CASR: variants seen among roughly 807,000 people sequenced by gnomAD.
CASR encodes the protein extracellular calcium-sensing receptor.
A neutral mutation model predicts 69.1 loss-of-function variants in CASR; 23 were observed. The ratio of observed to expected loss-of-function variants is 0.33; its 90% CI spans 0.24 to 0.47. The LOEUF (loss-of-function observed/expected upper bound fraction) is 0.47, where lower values mean the gene tolerates loss of function less well. Among genes scored for constraint, CASR ranks in the 20% least tolerant of loss-of-function variants. CASR has a pLI of 1.00. For synonymous variants in CASR, 541 were observed against 544.7 expected (o/e 0.99, Z 0.10); for missense variants, 924 against 1,356.1 (o/e 0.68, Z 5.00).
intron 4 of CASR, among the ~76,000 whole-genome samples, chr3:122,272,654 G>A (rs529045755): frequency 1.1e-3 from 164 of 152,174 alleles, no homozygotes; most frequent in African/African-American, 3.5e-3. Context: ...TATTTATGTC[G>A]TGCATTTTAT....
intron 4 of CASR, among the ~76,000 whole-genome samples, chr3:122,267,996 A>G (rs1259369814): frequency 6.6e-6 from 1 of 152,226 alleles, no homozygotes; most frequent in East Asian, 1.9e-4. Flanking sequence ...GCAACTTAAT[A>G]GATGTCTAAT....
chr3:122,257,276 G>A lies in CASR; in HGVS notation c.381G>A (p.Glu127=), dbSNP rs2074565277. Residue 127 remains glutamate (E), a synonymous_variant, in exon 3 of 7, where the codon GAG becomes GAA. Transcript: ENST00000639785. ...QNKIDSLNLD[E]FCNCSEHIPS... ...AAATTGATTCTTTGAACCTTGATGAGTTCTGCAACTGCTCAGAGCACATTC... is the reference window on the plus strand; with the variant it reads ...AAATTGATTCTTTGAACCTTGATGAATTCTGCAACTGCTCAGAGCACATTC... 2 of 1,614,146 alleles carry A rather than the reference G, an allele frequency of 1.2e-6. No individual in the cohort carries two copies. The highest frequency in any genetic ancestry group is 1.7e-6 in the Non-Finnish European group (2 of 1,179,978).
chr3:122,285,372 A>T lies in CASR; in HGVS notation c.*181A>T, dbSNP rs1486476105. On this transcript the variant is annotated 3_prime_UTR_variant, in exon 7 of 7. Coordinates refer to ENST00000639785, the MANE Select transcript of CASR (RefSeq NM_000388.4). The stretch of plus-strand genomic sequence containing the variant: ...ATTGACCCATGTTCCCTTTAAAATT[A>T]AAAAAAAGAAGAGCCTTGTGTTTCT... 3.9e-6 allele frequency: 2 copies of T among 516,230 alleles called. No homozygotes were observed. The highest frequency in any genetic ancestry group is 6.7e-6 in the Non-Finnish European group (2 of 296,352). 32.0% of individuals were successfully genotyped at this position (516,230 alleles called of 1,614,324 possible). A position where few individuals can be genotyped will look rare whatever the true frequency, so the allele number is the denominator to read the frequency against.
chr3:122,232,750 T>A (rs988151999), intron 1 of CASR, among the ~76,000 whole-genome samples: 2 of 152,116 alleles, frequency 1.3e-5, no homozygotes, highest in Non-Finnish European at 2.9e-5. Flanking sequence ...CGAAAGCCCT[T>A]TCTGACTCTA....
At chr3:122,268,459 T>G (rs912442531) in intron 4 of CASR, among the ~76,000 whole-genome samples, 15 of 152,220 alleles carry the variant, frequency 9.9e-5, no homozygotes. Flanking sequence ...TTCTAGCTCC[T>G]GAGAGGCTGC....
chr3:122,284,898 C>A lies in CASR; in HGVS notation c.2944C>A (p.Pro982Thr), dbSNP rs387907395. Reference sequence around the variant, plus strand: ...CACCTTCTCACTGAGCTTTGATGAGCCTCAGAAGAACGCCATGGCCCACAG... The same window carrying A: ...CACCTTCTCACTGAGCTTTGATGAGACTCAGAAGAACGCCATGGCCCACAG... ...TVTFSLSFDEPQKNAMAHRNS... is the reference protein window; with the variant it reads ...TVTFSLSFDETQKNAMAHRNS... Residue 982 changes from proline (P) to threonine (T), a missense_variant, in exon 7 of 7, where the codon CCT (proline) becomes ACT (threonine). This residue lies in a region of CASR where 201 missense variants were observed against 228.8 expected (regional missense o/e 0.88). Coordinates refer to ENST00000639785, the MANE Select transcript of CASR (RefSeq NM_000388.4). 5 of 1,614,186 alleles carry A rather than the reference C, an allele frequency of 3.1e-6. No individual in the cohort carries two copies. The highest frequency in any genetic ancestry group is 3.4e-6 in the Non-Finnish European group (4 of 1,180,006).
Position 122,257,407 on chromosome 3 carries a change from C to T in CASR, c.492+20C>T, listed in dbSNP as rs757624170. ...CCCCAGGTACTCAAGCCTTCTCAGG[C>T]GGGGCACTGGGAGCAGGATCAGAAG... On this transcript the variant is annotated intron_variant, in intron 3 of 6. Coordinates refer to ENST00000639785, the MANE Select transcript of CASR (RefSeq NM_000388.4). 10 of 1,588,614 alleles carry T rather than the reference C, an allele frequency of 6.3e-6. No homozygotes were observed. The highest frequency in any genetic ancestry group is 4.4e-5 in the South Asian group (4 of 90,558).
rs573534670 is a variant in CASR, at chr3:122,224,867, G to A, written c.-242-29081G>A. ...ACACATAGACCAATGGAACAGGATAGAGAACCTAGACGTAAAGCCACACAC... is the reference window on the plus strand; with the variant it reads ...ACACATAGACCAATGGAACAGGATAAAGAACCTAGACGTAAAGCCACACAC... On this transcript the variant is annotated intron_variant, in intron 1 of 6. Coordinates refer to ENST00000639785, the MANE Select transcript of CASR (RefSeq NM_000388.4). 1.0e-3 allele frequency among the ~76,000 whole-genome samples: 159 copies of A among 152,252 alleles called. 3 individuals are homozygous for A. Among genetic ancestry groups the A allele is most frequent in the South Asian group, 8.5e-3 (41 of 4,814 alleles).
Position 122,254,035 on chromosome 3 carries a change from A to G in CASR, c.-155A>G. On this transcript the variant is annotated 5_prime_UTR_variant, in exon 2 of 7. An upstream start codon of the reference 5' UTR is lost. Coordinates refer to ENST00000639785, the MANE Select transcript of CASR (RefSeq NM_000388.4). ...CAAGTCTGGATTGAGGAAGGCAGAA[A>G]TGGAGATTCAAACACCACGTCTTCT... is the stretch of plus-strand genomic sequence containing the variant. The G allele has an allele frequency of 1.3e-6, 1 of 788,532 alleles. No homozygotes were observed. Among genetic ancestry groups the G allele is most frequent in the Middle Eastern group, 3.5e-4 (1 of 2,844 alleles). The allele number at this position is 788,532 out of a possible 1,614,324, so 48.8% of individuals were successfully genotyped here. A position where few individuals can be genotyped will look rare whatever the true frequency, so the allele number is the denominator to read the frequency against.
intron 1 of CASR, among the ~76,000 whole-genome samples, chr3:122,241,015 A>C (rs1266144617): frequency 6.6e-6 from 1 of 152,118 alleles, no homozygotes; most frequent in African/African-American, 2.4e-5. Context: ...ACCAAAACCT[A>C]TGCAATATAG....
chr3:122,190,857 C>A (rs2073833286), intron 1 of CASR, among the ~76,000 whole-genome samples: 1 of 152,298 alleles, frequency 6.6e-6, no homozygotes, highest in Non-Finnish European at 1.5e-5. Flanking sequence ...GGCGGCTGAG[C>A]AGGGAAGGTA....
chr3:122,278,826 G>C (rs942676267), intron 5 of CASR, among the ~76,000 whole-genome samples: 1 of 152,168 alleles, frequency 6.6e-6, no homozygotes, highest in Non-Finnish European at 1.5e-5. Context: ...CCTTCAGCCT[G>C]TTCCTTAACC....
intron 1 of CASR, among the ~76,000 whole-genome samples, chr3:122,214,202 AT>A (rs2074094525): frequency 6.6e-6 from 1 of 151,940 alleles, no homozygotes; most frequent in Non-Finnish European, 1.5e-5. Flanking sequence ...CCGTTTGAAG[AT>A]TCTTTAATGG....
At chr3:122,215,859 G>A (rs1378637309) in intron 1 of CASR, among the ~76,000 whole-genome samples, 2 of 152,202 alleles carry the variant, frequency 1.3e-5, no homozygotes, top group African/African-American at 4.8e-5. Flanking sequence ...CCTGCCCTCA[G>A]AGAGACTGTA....
At position 122,285,395 on chromosome 3, in the gene CASR, TCTGTGG is replaced by T; in HGVS notation, c.*205_*210del. 1.8e-6 allele frequency: 1 copy of T among 571,284 alleles called. No homozygotes were observed. The highest frequency in any genetic ancestry group is 3.1e-6 in the Non-Finnish European group (1 of 320,980). The allele number at this position is 571,284 out of a possible 1,614,324, so 35.4% of individuals were successfully genotyped here. ...TTAAAAAAAAGAAGAGCCTTGTGTT[TCTGTGG>T]TTGCATTTGTCAAAGCATTGAGATC... On this transcript the variant is annotated 3_prime_UTR_variant, in exon 7 of 7. Transcript: ENST00000639785.
At chr3:122,265,039 C>A (rs886194800) in intron 4 of CASR, among the ~76,000 whole-genome samples, 2 of 152,202 alleles carry the variant, frequency 1.3e-5, no homozygotes, top group African/African-American at 4.8e-5. Context: ...AGGCCATAGC[C>A]CACACCAGAA....
chr3:122,257,609 G>A, intron 3 of CASR: 1 of 515,634 alleles, frequency 1.9e-6, no homozygotes, highest in Non-Finnish European at 3.4e-6. Flanking sequence ...TCTTTTAAAT[G>A]TACCTTGCAT....
chr3:122,278,958 G>T (rs372143240), intron 5 of CASR, among the ~76,000 whole-genome samples: 45 of 152,270 alleles, frequency 3.0e-4, no homozygotes, highest in African/African-American at 1.0e-3. Flanking sequence ...CCAGATTCAA[G>T]ATGACATTTT....
intron 1 of CASR, among the ~76,000 whole-genome samples, chr3:122,219,252 T>A (rs1352216933): frequency 6.6e-6 from 1 of 151,818 alleles, no homozygotes; most frequent in African/African-American, 2.4e-5. Context: ...GTCATTCAGG[T>A]GATAGAGGAT....
Sources: allele counts gnomAD v4.1 joint callset (sites outside exome capture counted in the v4.1 genomes callset), GRCh38; gene constraint gnomAD v4.1.1; regional missense constraint gnomAD v4.1.1; transcripts MANE v1.5; gene names NCBI Gene and HGNC (gene_info 2026-07-23, HGNC 2026-07-21).